The following PDZD2 variants were observed in gnomAD, a reference collection of about 807,000 sequenced individuals.
PDZD2 encodes the protein PDZ domain-containing protein 2.
A neutral mutation model predicts 220.7 loss-of-function variants in PDZD2; 90 were observed. That is an observed-to-expected ratio of 0.41 (90% CI 0.34 to 0.49). The LOEUF is 0.49. Among genes scored for constraint, PDZD2 ranks in the 20% least tolerant of loss-of-function variants. PDZD2 has a pLI of 0.28. For missense variants in PDZD2, 3,174 were observed against 3,608.5 expected (o/e 0.88, Z 3.08); for synonymous variants, 1,375 against 1,450.5 (o/e 0.95, Z 1.18).
chr5:31,896,719 A>G (rs763754472), intron 2 of PDZD2, among the ~76,000 whole-genome samples: 3 of 152,236 alleles, frequency 2.0e-5, no homozygotes, highest in Non-Finnish European at 4.4e-5. Context: ...GCACTTCACC[A>G]GAGGCCAAGG....
intron 2 of PDZD2, among the ~76,000 whole-genome samples, chr5:31,856,722 A>G (rs927735370): frequency 2.0e-5 from 3 of 151,982 alleles, no homozygotes; most frequent in Non-Finnish European, 2.9e-5. Flanking sequence ...AGTCCATTGC[A>G]CTGTTTCCTG....
At chr5:31,727,830 C>T (rs1313674302) in intron 1 of PDZD2, among the ~76,000 whole-genome samples, 2 of 150,754 alleles carry the variant, frequency 1.3e-5, no homozygotes, top group Non-Finnish European at 3.0e-5. Context: ...GGTGAAACCC[C>T]GTCTCTACTA....
chr5:31,877,948 C>T (rs1465113289), intron 2 of PDZD2, among the ~76,000 whole-genome samples: 2 of 152,156 alleles, frequency 1.3e-5, no homozygotes, highest in African/African-American at 4.8e-5. Context: ...CTTGGCCTCC[C>T]AAAGTGCTGG....
At chr5:31,862,556 T>C (rs956373690) in intron 2 of PDZD2, among the ~76,000 whole-genome samples, 2 of 134,892 alleles carry the variant, frequency 1.5e-5, no homozygotes, top group Admixed American at 7.7e-5. Flanking sequence ...ATGGCACCTT[T>C]TCTTTTCTTT....
chr5:32,027,027 T>C (rs1754721990), intron 6 of PDZD2, among the ~76,000 whole-genome samples: 1 of 152,152 alleles, frequency 6.6e-6, no homozygotes, highest in African/African-American at 2.4e-5. Context: ...CTCAGCCTCC[T>C]GAGTAACTGG....
At chr5:31,995,309 G>A (rs139413559) in intron 3 of PDZD2, among the ~76,000 whole-genome samples, 34 of 152,270 alleles carry the variant, frequency 2.2e-4, no homozygotes, top group African/African-American at 7.2e-4. Flanking sequence ...TAGCCACATC[G>A]CAAGCACTCA....
chr5:31,851,027 C>A (rs1010975536), intron 2 of PDZD2, among the ~76,000 whole-genome samples: 1 of 152,118 alleles, frequency 6.6e-6, no homozygotes, highest in Non-Finnish European at 1.5e-5. Context: ...TTTATAATAA[C>A]CCTTCAAGTA....
chr5:32,105,735 A>G (rs1241094156), intron 24 of PDZD2, among the ~76,000 whole-genome samples: 1 of 152,252 alleles, frequency 6.6e-6, no homozygotes, highest in East Asian at 1.9e-4. Flanking sequence ...TTTGGGAAAA[A>G]GCATAAAAGC....
chr5:31,702,672 G>A (rs1265545406), intron 1 of PDZD2, among the ~76,000 whole-genome samples: 1 of 152,254 alleles, frequency 6.6e-6, no homozygotes, highest in Non-Finnish European at 1.5e-5. Context: ...AGAAGTCGGA[G>A]AGATAGGCCA....
rs1384849059 is a variant in PDZD2, at chr5:32,016,980, T to C, written c.1407+6498T>C. Among the ~76,000 whole-genome samples, 5 of 152,302 alleles carry C rather than the reference T, an allele frequency of 3.3e-5. No homozygotes were observed. The East Asian group carries it at 9.6e-4, about 29-fold the overall frequency. ...GGTTTGCTCACTTGCGTCTCCCAGG[T>C]CCTCACTGTCACTGTGTGTGTATGG... On this transcript the variant is annotated intron_variant, in intron 6 of 24. Coordinates refer to ENST00000438447, the MANE Select transcript of PDZD2 (RefSeq NM_178140.4).
intron 1 of PDZD2, among the ~76,000 whole-genome samples, chr5:31,778,616 CTCCGAACACG>C (rs959815773): frequency 6.6e-6 from 1 of 152,190 alleles, no homozygotes; most frequent in Admixed American, 6.5e-5. Context: ...CAGGAAGAAA[CTCCGAACACG>C]TCCGAACGTC....
At chr5:31,985,625 G>A (rs187143158) in intron 3 of PDZD2, among the ~76,000 whole-genome samples, 24 of 152,238 alleles carry the variant, frequency 1.6e-4, no homozygotes, top group African/African-American at 5.5e-4. Context: ...CCTGGCAGGT[G>A]GAGGTTGCCG....
chr5:31,827,729 A>T (rs1294801501), intron 2 of PDZD2, among the ~76,000 whole-genome samples: 1 of 151,060 alleles, frequency 6.6e-6, no homozygotes, highest in Admixed American at 6.6e-5. Context: ...AAATAATTTT[A>T]AAATGGCTTT....
intron 2 of PDZD2, among the ~76,000 whole-genome samples, chr5:31,941,262 GC>G (rs1746193728): frequency 6.6e-6 from 1 of 152,196 alleles, no homozygotes; most frequent in Non-Finnish European, 1.5e-5. Flanking sequence ...TCTTTGAGTT[GC>G]CAAATTCCAC....
chr5:32,090,384 CA>C lies in PDZD2; in HGVS notation c.6939del (p.Val2314SerfsTer22). ...ETSCLVTDKI[K>X]VTRRHYCYEQ... ...CGAGCTGCCTAGTCACAGACAAAAT[CA>C]AAGTCACCAGACGACACTACTGCTA... On this transcript the variant is annotated frameshift_variant, in exon 20 of 25. Transcript: ENST00000438447. LOFTEE classifies it high-confidence loss of function. The surrounding 1 kb of genome is among the most constrained non-coding windows in gnomAD (Gnocchi z 4.3). The C allele has an allele frequency of 6.2e-7, 1 of 1,614,176 alleles. No individual in the cohort carries two copies. The highest frequency in any genetic ancestry group is 8.5e-7 in the Non-Finnish European group (1 of 1,180,012).
chr5:31,760,750 C>A (rs899645529), intron 1 of PDZD2, among the ~76,000 whole-genome samples: 5 of 151,912 alleles, frequency 3.3e-5, no homozygotes, highest in Non-Finnish European at 7.4e-5. Flanking sequence ...GGTGAAACCC[C>A]CATCTCTATG....
intron 5 of PDZD2, among the ~76,000 whole-genome samples, chr5:32,005,064 A>T (rs577801849): frequency 6.6e-6 from 1 of 152,228 alleles, no homozygotes; most frequent in Non-Finnish European, 1.5e-5. Flanking sequence ...CCTCATCCAC[A>T]TAGGAGAAAA....
chr5:32,056,827 C>A (rs1739130330), intron 10 of PDZD2, among the ~76,000 whole-genome samples: 1 of 152,154 alleles, frequency 6.6e-6, no homozygotes, highest in African/African-American at 2.4e-5. Flanking sequence ...CAGTAGCTCA[C>A]ACCTGTAATC....
chr5:31,682,867 C>T (rs979513804), intron 1 of PDZD2, among the ~76,000 whole-genome samples: 7 of 152,074 alleles, frequency 4.6e-5, no homozygotes, highest in Non-Finnish European at 1.0e-4. Context: ...CCCTGACTTT[C>T]CAGCCATAAG....
Sources: gnomAD v4.1 joint callset for allele counts (sites outside exome capture counted in the v4.1 genomes callset) on GRCh38, gnomAD v4.1.1 for gene constraint, Gnocchi (gnomAD v3.1) non-coding constraint, MANE v1.5 for transcripts, NCBI Gene and HGNC (gene_info 2026-07-23, HGNC 2026-07-21) for gene names.